PPP3CB: variants seen among roughly 807,000 people sequenced by gnomAD.
The protein encoded by PPP3CB is serine/threonine-protein phosphatase 2B catalytic subunit beta isoform.
Under a neutral mutation model 66.4 loss-of-function variants are expected in PPP3CB, and 8 were observed. That is an observed-to-expected ratio of 0.12 (90% CI 0.07 to 0.22). The LOEUF is 0.22. PPP3CB is among the 10% of genes least tolerant of loss of function. PPP3CB has a pLI of 1.00. For synonymous variants in PPP3CB, 208 were observed against 221.2 expected, an observed-to-expected ratio of 0.94 and a Z score of 0.53; for missense variants, 319 against 642.5, an observed-to-expected ratio of 0.50 and a Z score of 5.44.
intron 10 of PPP3CB, among the ~76,000 whole-genome samples, chr10:73,449,379 T>C (rs2056309920): frequency 6.6e-6 from 1 of 152,208 alleles, no homozygotes; most frequent in Non-Finnish European, 1.5e-5. Context: ...GGGACATCTT[T>C]TTGCAAAAAT....
intron 10 of PPP3CB, among the ~76,000 whole-genome samples, chr10:73,450,876 C>T (rs1216917639): frequency 6.6e-6 from 1 of 152,002 alleles, no homozygotes; most frequent in Non-Finnish European, 1.5e-5. Context: ...AACTACACTG[C>T]CTCTTTAATG....
chr10:73,458,348 G>A (rs1054741118), intron 9 of PPP3CB, among the ~76,000 whole-genome samples: 10 of 151,958 alleles, frequency 6.6e-5, no homozygotes. Flanking sequence ...TGTTGGCCAG[G>A]CTGGTCTTGA....
At chr10:73,448,698 T>C (rs754086916) in intron 10 of PPP3CB, 1 of 533,344 alleles carries the variant, frequency 1.9e-6, no homozygotes. Flanking sequence ...GTTCTTCAGA[T>C]GGAGAGTCCA....
chr10:73,479,492 G>C lies in PPP3CB; in HGVS notation c.111C>G (p.Arg37=), dbSNP rs368691077. 99 of 1,613,936 alleles carry C rather than the reference G, an allele frequency of 6.1e-5. No homozygotes were observed. The highest frequency in any genetic ancestry group is 8.1e-5 in the Non-Finnish European group (95 of 1,180,008). The change falls in exon 2 of 14, where the codon CGC becomes CGG. Residue 37 remains arginine (R), a synonymous_variant. Coordinates refer to ENST00000360663, the MANE Select transcript of PPP3CB (RefSeq NM_021132.4). ...AATCAAATACTTCTTCAGATGTCAA[G>C]CGATGTGTTGGGGGGAAAGGGACAG... The part of the protein sequence containing the change: ...VKAVPFPPTH[R]LTSEEVFDLD...
chr10:73,454,401 A>T lies in PPP3CB; in HGVS notation c.1186+11T>A, dbSNP rs1467112850. 6.9e-6 allele frequency: 11 copies of T among 1,593,336 alleles called. No homozygotes were observed. The Admixed American group carries it at 1.7e-4, about 24-fold the overall frequency. ...CAGTAAAAAAAAAAATAGTAAGATG[A>T]ATAATCATACCATCAAACTGGTCTT... On this transcript the variant is annotated intron_variant, in intron 10 of 13. Coordinates refer to ENST00000360663, the MANE Select transcript of PPP3CB (RefSeq NM_021132.4).
intron 13 of PPP3CB, among the ~76,000 whole-genome samples, chr10:73,438,961 T>C (rs541959718): frequency 6.7e-6 from 1 of 149,372 alleles, no homozygotes; most frequent in African/African-American, 2.6e-5. Flanking sequence ...GCCACCAATA[T>C]AACATTAAAA....
chr10:73,493,130 A>G (rs116689576), intron 1 of PPP3CB, among the ~76,000 whole-genome samples: 7,482 of 151,674 alleles, frequency 0.049, 563 homozygotes, highest in African/African-American at 0.16. Context: ...CAAAAAATTA[A>G]CCGGGCATGG....
At chr10:73,485,908 T>TTGTGTGTGTGTGTGTGTGTGTG (rs57190155) in intron 1 of PPP3CB, among the ~76,000 whole-genome samples, 3 of 121,288 alleles carry the variant, frequency 2.5e-5, no homozygotes, top group Non-Finnish European at 5.0e-5. Context: ...ACCTGGCTAA[T>TTGTGTGTGTGTGTGTGTGTGTG]TGTGTGTGTG....
intron 1 of PPP3CB, among the ~76,000 whole-genome samples, chr10:73,486,295 G>GTT (rs1206671127): frequency 1.9e-4 from 22 of 117,782 alleles, no homozygotes; most frequent in East Asian, 2.9e-4. Flanking sequence ...GGCCAGACTG[G>GTT]TTTTTTTTTT....
At chr10:73,456,622 A>C (rs1025180110) in intron 9 of PPP3CB, among the ~76,000 whole-genome samples, 30 of 152,210 alleles carry the variant, frequency 2.0e-4, no homozygotes, top group African/African-American at 6.8e-4. Flanking sequence ...CAAAAGAATA[A>C]AGCTGCAAAT....
intron 10 of PPP3CB, among the ~76,000 whole-genome samples, chr10:73,450,572 G>A (rs1194080422): frequency 6.6e-5 from 10 of 152,202 alleles, no homozygotes; most frequent in South Asian, 6.2e-4. Flanking sequence ...CTCCTAATAC[G>A]TGGTACTGGA....
chr10:73,471,704 C>T, intron 4 of PPP3CB, 91 bp from the exon 5 acceptor site: 1 of 990,868 alleles, frequency 1.0e-6, no homozygotes, highest in Non-Finnish European at 1.5e-6. Flanking sequence ...ATTTCTTGTT[C>T]TCTCCCCTCC....
chr10:73,474,934 T>C lies in PPP3CB; in HGVS notation c.508A>G (p.Thr170Ala). Reference protein sequence around the residue: ...HECRHLTEYFTFKQECKIKYS... With the variant: ...HECRHLTEYFAFKQECKIKYS... Reference sequence around the variant, plus strand: ...CAGTACTCACATTCCTGCTTAAAGGTAAAATATTCAGTAAGGTGTCTGCAT... The same window carrying C: ...CAGTACTCACATTCCTGCTTAAAGGCAAAATATTCAGTAAGGTGTCTGCAT... The change falls in exon 4 of 14, where the codon ACC becomes GCC. Residue 170 changes from threonine (T) to alanine (A), a missense_variant. Physicochemically the swap from Thr to Ala is moderately conservative, Grantham distance 58. This residue lies in a region of PPP3CB where 51 missense variants were observed against 139.6 expected (regional missense o/e 0.37). Coordinates refer to ENST00000360663, the MANE Select transcript of PPP3CB (RefSeq NM_021132.4). The C allele has an allele frequency of 6.2e-7, 1 of 1,613,840 alleles. No individual in the cohort carries two copies. Among genetic ancestry groups the C allele is most frequent in the Non-Finnish European group, 8.5e-7 (1 of 1,179,954 alleles).
At chr10:73,478,742 G>T in intron 2 of PPP3CB, 119 bp from the exon 3 acceptor site, 1 of 834,844 alleles carries the variant, frequency 1.2e-6, no homozygotes, top group Non-Finnish European at 1.8e-6. Context: ...TGTCTGAGAA[G>T]GAAGTAGTCT....
At position 73,479,443 on chromosome 10, in the gene PPP3CB, C is replaced by T. The variant is rs1259419512; in HGVS notation, c.160G>A (p.Val54Ile). Residue 54 changes from valine to isoleucine, a missense_variant, in exon 2 of 14, where the codon GTT becomes ATT. By Grantham distance (29) the Val-to-Ile change is conservative. This residue lies in a region of PPP3CB where 104 missense variants were observed against 128.4 expected (regional missense o/e 0.81). Coordinates refer to ENST00000360663, the MANE Select transcript of PPP3CB (RefSeq NM_021132.4). Reference sequence around the variant, plus strand: ...TCTTTCACCAAGTGGTTCTTCAGAACATCAACCCTGGGTATCCCATCCAAA... The same window carrying T: ...TCTTTCACCAAGTGGTTCTTCAGAATATCAACCCTGGGTATCCCATCCAAA... ...FDLDGIPRVD[V>I]LKNHLVKEGR... The T allele has an allele frequency of 1.9e-5, 31 of 1,614,010 alleles. No homozygotes were observed. Among genetic ancestry groups the T allele is most frequent in the Non-Finnish European group, 2.5e-5 (30 of 1,180,000 alleles).
intron 13 of PPP3CB, among the ~76,000 whole-genome samples, chr10:73,438,793 A>G (rs2056103857): frequency 6.6e-6 from 1 of 152,188 alleles, no homozygotes. Flanking sequence ...AGTGACTATC[A>G]CAGTAAGGCA....
intron 1 of PPP3CB, among the ~76,000 whole-genome samples, chr10:73,486,207 G>A (rs2056973492): frequency 1.3e-5 from 2 of 151,384 alleles, no homozygotes; most frequent in Admixed American, 1.3e-4. Flanking sequence ...GCCTTCCAAA[G>A]TGCTGGGATT....
rs779296358 is a variant in PPP3CB, at chr10:73,483,251, G to A, written c.86-3734C>T. On this transcript the variant is annotated intron_variant, in intron 1 of 13. Transcript: ENST00000360663. ...AGCTGGGACAGCTTTTTTAAAATGT[G>A]TACAGGTTGAGTGGTAGAAAAACGT... Among the ~76,000 whole-genome samples the A allele has an allele frequency of 7.9e-5, 12 of 152,214 alleles. No homozygotes were observed. The South Asian group carries it at 8.3e-4, about 11-fold the overall frequency.
At chr10:73,465,982 A>C (rs1006534540) in intron 9 of PPP3CB, among the ~76,000 whole-genome samples, 2 of 152,242 alleles carry the variant, frequency 1.3e-5, no homozygotes, top group Admixed American at 1.3e-4. Context: ...AAAAGTTTGA[A>C]TATTTCTTTG....
Sources: gnomAD v4.1 joint callset for allele counts (sites outside exome capture counted in the v4.1 genomes callset) on GRCh38, gnomAD v4.1.1 for gene constraint, gnomAD v4.1.1 regional missense constraint, MANE v1.5 for transcripts, NCBI Gene and HGNC (gene_info 2026-07-23, HGNC 2026-07-21) for gene names.